The following RABGAP1L variants were observed in gnomAD, a reference collection of about 807,000 sequenced individuals.
RABGAP1L encodes the protein rab GTPase-activating protein 1-like.
RABGAP1L carries 63 observed loss-of-function variants against 137.7 expected under a neutral mutation model. The ratio of observed to expected loss-of-function variants is 0.46; its 90% CI spans 0.37 to 0.56. The LOEUF is 0.56. RABGAP1L is among the 20% of genes least tolerant of loss of function. RABGAP1L has a pLI of 0.00. For synonymous variants in RABGAP1L, 431 were observed against 433.7 expected (o/e 0.99, Z 0.08); for missense variants, 1,095 against 1,244.0 (o/e 0.88, Z 1.80).
chr1:174,725,033 T>C (rs980536292), intron 17 of RABGAP1L, among the ~76,000 whole-genome samples: 4 of 152,094 alleles, frequency 2.6e-5, no homozygotes, highest in African/African-American at 9.7e-5. Flanking sequence ...CAGAGCTTGG[T>C]GGCCATATTG....
intron 19 of RABGAP1L, among the ~76,000 whole-genome samples, chr1:174,904,710 C>T (rs544797822): frequency 1.3e-5 from 2 of 152,060 alleles, no homozygotes; most frequent in South Asian, 2.1e-4. Context: ...AATGCAGTGG[C>T]GTGAACACAG....
At chr1:174,783,929 C>T (rs1368018819) in intron 18 of RABGAP1L, among the ~76,000 whole-genome samples, 1 of 149,436 alleles carries the variant, frequency 6.7e-6, no homozygotes, top group Non-Finnish European at 1.5e-5. Flanking sequence ...AGGATGGTCT[C>T]CATCTCATGA....
At chr1:174,966,654 T>G (rs1316863983) in intron 20 of RABGAP1L, among the ~76,000 whole-genome samples, 1 of 152,214 alleles carries the variant, frequency 6.6e-6, no homozygotes, top group East Asian at 1.9e-4. Flanking sequence ...TTTATTATGC[T>G]TCTGTGGGAG....
At chr1:174,890,131 A>G (rs193012293) in intron 19 of RABGAP1L, among the ~76,000 whole-genome samples, 1 of 152,326 alleles carries the variant, frequency 6.6e-6, no homozygotes, top group East Asian at 1.9e-4. Flanking sequence ...TTTAACATGT[A>G]TACCTCCTAC....
intron 12 of RABGAP1L, among the ~76,000 whole-genome samples, chr1:174,387,248 T>G (rs1418304757): frequency 6.6e-6 from 1 of 152,218 alleles, no homozygotes; most frequent in Non-Finnish European, 1.5e-5. Context: ...TTCATTCAAC[T>G]TTTAAGTCTT....
At chr1:174,364,198 T>C (rs544569713) in intron 11 of RABGAP1L, among the ~76,000 whole-genome samples, 67 of 151,244 alleles carry the variant, frequency 4.4e-4, no homozygotes, top group African/African-American at 1.6e-3. Context: ...TTATTACGAC[T>C]TCGATCTTGT....
At chr1:174,322,830 AT>A (rs968841872) in intron 11 of RABGAP1L, among the ~76,000 whole-genome samples, 6 of 152,100 alleles carry the variant, frequency 3.9e-5, no homozygotes, top group African/African-American at 1.2e-4. Flanking sequence ...TGTGCACATT[AT>A]TTTCTGCTAA....
chr1:174,811,198 C>T (rs900890710), intron 18 of RABGAP1L, among the ~76,000 whole-genome samples: 5 of 152,120 alleles, frequency 3.3e-5, no homozygotes, highest in Non-Finnish European at 7.4e-5. Flanking sequence ...ATATTTATTT[C>T]CAAATGGTTT....
intron 17 of RABGAP1L, among the ~76,000 whole-genome samples, chr1:174,736,982 T>TC (rs1683003769): frequency 6.6e-6 from 1 of 152,192 alleles, no homozygotes; most frequent in African/African-American, 2.4e-5. Context: ...AGGGGCTGTC[T>TC]CCAAGATCTC....
chr1:174,211,859 G>A (rs1412045733), intron 1 of RABGAP1L, among the ~76,000 whole-genome samples: 1 of 152,080 alleles, frequency 6.6e-6, no homozygotes, highest in African/African-American at 2.4e-5. Flanking sequence ...TTGATTTTAA[G>A]ACAAAAACTA....
intron 12 of RABGAP1L, among the ~76,000 whole-genome samples, chr1:174,380,552 C>A (rs1217286451): frequency 6.6e-6 from 1 of 152,000 alleles, no homozygotes; most frequent in African/African-American, 2.4e-5. Context: ...TCCATTTCTT[C>A]TAGATTTTCT....
At chr1:174,852,442 AC>A (rs1648527852) in intron 19 of RABGAP1L, among the ~76,000 whole-genome samples, 1 of 152,108 alleles carries the variant, frequency 6.6e-6, no homozygotes, top group African/African-American at 2.4e-5. Flanking sequence ...GACTTCAGGG[AC>A]TTGTTGTAAG....
chr1:174,774,977 G>C (rs1014041458), intron 18 of RABGAP1L, among the ~76,000 whole-genome samples: 4 of 152,154 alleles, frequency 2.6e-5, no homozygotes, highest in Admixed American at 6.5e-5. Context: ...GGCCCCAAAA[G>C]GCAGATAGCT....
intron 19 of RABGAP1L, among the ~76,000 whole-genome samples, chr1:174,874,172 G>T (rs567964054): frequency 6.6e-6 from 1 of 151,996 alleles, no homozygotes; most frequent in Non-Finnish European, 1.5e-5. Flanking sequence ...TCCAGAAAGG[G>T]TTTATAAACC....
chr1:174,163,747 A>T (rs1664692712), intron 1 of RABGAP1L, among the ~76,000 whole-genome samples: 1 of 152,132 alleles, frequency 6.6e-6, no homozygotes, highest in African/African-American at 2.4e-5. Flanking sequence ...TAGTAAGCTT[A>T]AATAAGAGGA....
chr1:174,251,148 A>G (rs1672681652), intron 6 of RABGAP1L, among the ~76,000 whole-genome samples: 1 of 152,226 alleles, frequency 6.6e-6, no homozygotes, highest in Non-Finnish European at 1.5e-5. Flanking sequence ...ACTGTAGAAA[A>G]TTTAGTAAAA....
intron 13 of RABGAP1L, among the ~76,000 whole-genome samples, chr1:174,470,623 T>G (rs1657808252): frequency 6.6e-6 from 1 of 152,008 alleles, no homozygotes; most frequent in Non-Finnish European, 1.5e-5. Flanking sequence ...AAAAATTAGC[T>G]GGATGTAGTG....
At chr1:174,534,802 A>AAAAAAAAATAAT (rs1553324953) in intron 13 of RABGAP1L, among the ~76,000 whole-genome samples, 2 of 137,266 alleles carry the variant, frequency 1.5e-5, no homozygotes, top group East Asian at 2.1e-4. Context: ...AAAAAAAAAA[A>AAAAAAAAATAAT]AATAATTAGA....
At chr1:174,176,730 A>T (rs1163607442) in intron 1 of RABGAP1L, among the ~76,000 whole-genome samples, 7 of 143,374 alleles carry the variant, frequency 4.9e-5, no homozygotes, top group African/African-American at 1.6e-4. Flanking sequence ...AAAAAAAAAA[A>T]AAAAAAAAAA....
Sources: allele counts gnomAD v4.1 joint callset (sites outside exome capture counted in the v4.1 genomes callset), GRCh38; gene constraint gnomAD v4.1.1; transcripts MANE v1.5; gene names NCBI Gene and HGNC (gene_info 2026-07-23, HGNC 2026-07-21).